The following TRPS1 variants were observed in gnomAD, a reference collection of about 807,000 sequenced individuals.
TRPS1 encodes the protein transcriptional repressor GATA binding 1, also known as zinc finger transcription factor Trps1.
A neutral mutation model predicts 101.2 loss-of-function variants in TRPS1; 6 were observed. The ratio of observed to expected loss-of-function variants is 0.06; its 90% CI spans 0.03 to 0.12. TRPS1 has a LOEUF of 0.12. Ranked by LOEUF, TRPS1 falls within the 10% of genes least tolerant of loss-of-function variation. The pLI is 1.00. For synonymous variants in TRPS1, 578 were observed against 589.8 expected, an observed-to-expected ratio of 0.98 and a Z score of 0.29; for missense variants, 1,363 against 1,567.0, an observed-to-expected ratio of 0.87 and a Z score of 2.20.
At chr8:115,634,162 C>T (rs1437061026) in intron 1 of TRPS1, among the ~76,000 whole-genome samples, 2 of 152,042 alleles carry the variant, frequency 1.3e-5, no homozygotes, top group South Asian at 2.1e-4. Flanking sequence ...CATAATTTGC[C>T]CCATCTTTGT....
chr8:115,454,068 G>T (rs1417300642), intron 5 of TRPS1, among the ~76,000 whole-genome samples: 1 of 152,052 alleles, frequency 6.6e-6, no homozygotes, highest in African/African-American at 2.4e-5. Flanking sequence ...CTATGATGGT[G>T]CCCTGGAAAT....
chr8:115,584,502 T>A (rs1031437156), intron 5 of TRPS1, among the ~76,000 whole-genome samples: 1 of 151,972 alleles, frequency 6.6e-6, no homozygotes, highest in Non-Finnish European at 1.5e-5. Context: ...GTAAATTATA[T>A]CTGTATATTT....
At chr8:115,636,294 G>T (rs910716619) in intron 1 of TRPS1, among the ~76,000 whole-genome samples, 2 of 152,134 alleles carry the variant, frequency 1.3e-5, no homozygotes, top group East Asian at 3.9e-4. Context: ...CAGATGCAGA[G>T]GCATTGATGG....
At chr8:115,433,001 C>A (rs1813359876) in intron 5 of TRPS1, among the ~76,000 whole-genome samples, 1 of 151,642 alleles carries the variant, frequency 6.6e-6, no homozygotes, top group Non-Finnish European at 1.5e-5. Flanking sequence ...AATGTGAGTT[C>A]CTATCTGAGC....
At chr8:115,419,612 C>A (rs779637616) in intron 5 of TRPS1, among the ~76,000 whole-genome samples, 3 of 152,086 alleles carry the variant, frequency 2.0e-5, no homozygotes, top group Non-Finnish European at 2.9e-5. Flanking sequence ...GGTATCCCTG[C>A]CAAGAAAATA....
intron 3 of TRPS1, among the ~76,000 whole-genome samples, chr8:115,616,949 T>C (rs1818289040): frequency 6.6e-6 from 1 of 152,308 alleles, no homozygotes; most frequent in African/African-American, 2.4e-5. Flanking sequence ...GAAAAACTGT[T>C]CAATATTTAT....
At chr8:115,535,106 C>A (rs1226098718) in intron 5 of TRPS1, among the ~76,000 whole-genome samples, 1 of 145,164 alleles carries the variant, frequency 6.9e-6, no homozygotes, top group Non-Finnish European at 1.5e-5. Context: ...ATATGTATAG[C>A]ATATATATCG....
chr8:115,508,462 C>T (rs144720179), intron 5 of TRPS1, among the ~76,000 whole-genome samples: 1 of 152,024 alleles, frequency 6.6e-6, no homozygotes, highest in Non-Finnish European at 1.5e-5. Flanking sequence ...CTTCATGATA[C>T]AGTAAATTTC....
At chr8:115,572,213 A>G (rs1817219613) in intron 5 of TRPS1, among the ~76,000 whole-genome samples, 1 of 152,160 alleles carries the variant, frequency 6.6e-6, no homozygotes. Flanking sequence ...AAATGTCAAA[A>G]TAGTAACTTT....
At chr8:115,445,003 C>G (rs1813697933) in intron 5 of TRPS1, among the ~76,000 whole-genome samples, 1 of 152,200 alleles carries the variant, frequency 6.6e-6, no homozygotes, top group African/African-American at 2.4e-5. Context: ...CTTTTCACAA[C>G]TCAGTGGATA....
At chr8:115,436,663 C>T (rs376319888) in intron 5 of TRPS1, among the ~76,000 whole-genome samples, 1 of 152,258 alleles carries the variant, frequency 6.6e-6, no homozygotes, top group South Asian at 2.1e-4. Context: ...CTGCACTTGG[C>T]TAAGTTTCTC....
At chr8:115,544,852 G>C (rs1441255357) in intron 5 of TRPS1, among the ~76,000 whole-genome samples, 2 of 150,950 alleles carry the variant, frequency 1.3e-5, no homozygotes, top group Non-Finnish European at 2.9e-5. Flanking sequence ...AACTACAGGA[G>C]AAGGAGGAGA....
At chr8:115,512,526 T>G (rs1003507452) in intron 5 of TRPS1, among the ~76,000 whole-genome samples, 2 of 150,468 alleles carry the variant, frequency 1.3e-5, no homozygotes, top group Admixed American at 6.7e-5. Flanking sequence ...TGCTTCATGG[T>G]TTTTTTTTGA....
At chr8:115,667,677 C>T (rs188159257) in intron 1 of TRPS1, among the ~76,000 whole-genome samples, 1 of 152,340 alleles carries the variant, frequency 6.6e-6, no homozygotes, top group East Asian at 1.9e-4. Flanking sequence ...CTGAGCCGCT[C>T]TGAGGCGGGT....
At chr8:115,503,169 G>A (rs1815359695) in intron 5 of TRPS1, among the ~76,000 whole-genome samples, 1 of 150,306 alleles carries the variant, frequency 6.7e-6, no homozygotes, top group African/African-American at 2.5e-5. Flanking sequence ...CAGGAGAATG[G>A]CATGAACCCA....
chr8:115,598,509 T>G (rs1485103504), intron 4 of TRPS1, among the ~76,000 whole-genome samples: 1 of 152,130 alleles, frequency 6.6e-6, no homozygotes, highest in Non-Finnish European at 1.5e-5. Flanking sequence ...AGACGAGATC[T>G]TGGTATGCTG....
At chr8:115,654,222 G>A (rs144923076) in intron 1 of TRPS1, among the ~76,000 whole-genome samples, 152,326 of 152,326 alleles carry the variant, frequency 1, 76,163 homozygotes, top group Non-Finnish European at 1. Flanking sequence ...GTCATGGCTA[G>A]AAATGGAAAG....
At chr8:115,470,853 A>G (rs1047145343) in intron 5 of TRPS1, among the ~76,000 whole-genome samples, 1 of 152,184 alleles carries the variant, frequency 6.6e-6, no homozygotes, top group Non-Finnish European at 1.5e-5. Context: ...GATTGCATTT[A>G]AGATGATTTT....
intron 4 of TRPS1, among the ~76,000 whole-genome samples, chr8:115,593,076 C>T (rs1817713178): frequency 6.6e-6 from 1 of 152,078 alleles, no homozygotes; most frequent in African/African-American, 2.4e-5. Context: ...CGTCAGCCTC[C>T]TGAGTAGCTG....
Sources: gnomAD v4.1 joint callset for allele counts (sites outside exome capture counted in the v4.1 genomes callset) on GRCh38, gnomAD v4.1.1 for gene constraint, MANE v1.5 for transcripts, NCBI Gene and HGNC (gene_info 2026-07-23, HGNC 2026-07-21) for gene names.